ATXN10: variants seen among roughly 807,000 people sequenced by gnomAD.
ATXN10 encodes the protein ataxin 10.
ATXN10 carries 28 observed loss-of-function variants against 52.9 expected under a neutral mutation model. The observed-to-expected ratio is 0.53, with a 90% CI of 0.39 to 0.73. The LOEUF (loss-of-function observed/expected upper bound fraction) is 0.73. ATXN10 is among the 30% of genes least tolerant of loss of function. ATXN10 has a pLI of 0.00. For missense variants in ATXN10, 565 were observed against 577.0 expected, an observed-to-expected ratio of 0.98 and a Z score of 0.21; for synonymous variants, 226 against 221.5, an observed-to-expected ratio of 1.02 and a Z score of -0.18.
At chr22:45,729,666 G>T (rs1348150996) in intron 7 of ATXN10, 76 bp downstream of exon 7, 1 of 1,503,788 alleles carries the variant, frequency 6.6e-7, no homozygotes, top group Admixed American at 1.7e-5. Context: ...TCCTGTATGA[G>T]AATTCTTTTT....
In ATXN10 at chr22:45,693,038, G is replaced by GT. The variant is rs774084163; in HGVS notation, c.354dup (p.Arg119SerfsTer2). On this transcript the variant is annotated frameshift_variant, in exon 3 of 12. Transcript: ENST00000252934. LOFTEE classifies it high-confidence loss of function. Reference sequence around the variant, plus strand: ...GTGTTGCTGTTGATTTGATTCTTCTGTTTCGTGAACTGCGAGTGGAACAGG... The same window carrying GT: ...GTGTTGCTGTTGATTTGATTCTTCTGTTTTCGTGAACTGCGAGTGGAACAGG... The GT allele has an allele frequency of 3.7e-6, 6 of 1,613,952 alleles. No individual in the cohort carries two copies. Among genetic ancestry groups the GT allele is most frequent in the Non-Finnish European group, 5.1e-6 (6 of 1,180,008 alleles).
intron 10 of ATXN10, among the ~76,000 whole-genome samples, chr22:45,821,588 A>C (rs763906577): frequency 6.6e-6 from 1 of 152,148 alleles, no homozygotes; most frequent in Non-Finnish European, 1.5e-5. Context: ...GTTCAGTTAT[A>C]TGTGTTGAAA....
At chr22:45,723,439 T>C (rs879938458) in intron 6 of ATXN10, among the ~76,000 whole-genome samples, 2 of 152,020 alleles carry the variant, frequency 1.3e-5, no homozygotes, top group Admixed American at 6.6e-5. Flanking sequence ...ATGGGTTGTA[T>C]AGTGGTGAAG....
intron 9 of ATXN10, among the ~76,000 whole-genome samples, chr22:45,746,928 G>A (rs9614512): frequency 0.081 from 12,400 of 152,162 alleles, 674 homozygotes; most frequent in Admixed American, 0.14. Flanking sequence ...ATACACATAC[G>A]TAAACTGATC....
chr22:45,730,430 A>AGGTT (rs1290019457), intron 7 of ATXN10, among the ~76,000 whole-genome samples: 1 of 150,802 alleles, frequency 6.6e-6, no homozygotes, highest in Non-Finnish European at 1.5e-5. Context: ...TTGGACATTT[A>AGGTT]GGTTGTTTGT....
chr22:45,830,368 A>T (rs1928948257), intron 10 of ATXN10, among the ~76,000 whole-genome samples: 1 of 152,222 alleles, frequency 6.6e-6, no homozygotes, highest in Admixed American at 6.5e-5. Flanking sequence ...AAAATTTTAA[A>T]ATATTTTGCA....
chr22:45,803,432 A>G (rs978180598), intron 9 of ATXN10, among the ~76,000 whole-genome samples: 2 of 152,154 alleles, frequency 1.3e-5, no homozygotes, highest in Admixed American at 6.5e-5. Context: ...CCACTTCTTT[A>G]GGGAGGCCTT....
intron 5 of ATXN10, among the ~76,000 whole-genome samples, chr22:45,706,224 T>C (rs1924037212): frequency 6.6e-6 from 1 of 152,192 alleles, no homozygotes; most frequent in South Asian, 2.1e-4. Flanking sequence ...CCTTAGAATT[T>C]TTTTATTTTT....
In ATXN10 at chr22:45,740,731, C is replaced by T. The variant is rs1432595663; in HGVS notation, c.1173+193C>T. ...ACACACACACACACATATATATACA[C>T]ACACACACGTGTGTGTGTGTGTGTA... is the stretch of plus-strand genomic sequence containing the variant. On this transcript the variant is annotated intron_variant, in intron 9 of 11. Coordinates refer to ENST00000252934, the MANE Select transcript of ATXN10 (RefSeq NM_013236.4). The T allele has an allele frequency of 2.1e-4, 84 of 395,212 alleles. No individual in the cohort carries two copies. The Middle Eastern group carries it at 2.2e-3, about 10-fold the overall frequency. The allele number at this position is 395,212 out of a possible 1,614,324, so 24.5% of individuals were successfully genotyped here. A position where few individuals can be genotyped will look rare whatever the true frequency, so the allele number is the denominator to read the frequency against.
At chr22:45,672,386 G>A in intron 1 of ATXN10, 1 of 384,484 alleles carries the variant, frequency 2.6e-6, no homozygotes, top group Non-Finnish European at 3.9e-6. Flanking sequence ...TGGGGCGGGC[G>A]CCCCGCTCCC....
At chr22:45,793,878 A>G in intron 9 of ATXN10, 3 of 1,272,458 alleles carry the variant, frequency 2.4e-6, no homozygotes, top group Non-Finnish European at 3.0e-6. Flanking sequence ...ACTTTGATTG[A>G]AGCAGCAGTG....
At chr22:45,675,242 G>A (rs4823320) in intron 1 of ATXN10, 1 of 152,184 alleles carries the variant, frequency 6.6e-6, no homozygotes, top group South Asian at 2.1e-4. Flanking sequence ...CGGAGAAGGG[G>A]ATCTCAGGAT....
At chr22:45,798,461 G>A (rs144773962) in intron 9 of ATXN10, among the ~76,000 whole-genome samples, 27 of 152,142 alleles carry the variant, frequency 1.8e-4, no homozygotes, top group East Asian at 7.7e-4. Flanking sequence ...AAAAGCATTC[G>A]GAACAAAATT....
In ATXN10 at chr22:45,754,370, T is replaced by A. The variant is rs1601625770; in HGVS notation, c.1173+13832T>A. On this transcript the variant is annotated intron_variant, in intron 9 of 11. Coordinates refer to ENST00000252934, the MANE Select transcript of ATXN10 (RefSeq NM_013236.4). This position sits in a 1 kb window ranked among gnomAD's most constrained non-coding sequence, Gnocchi z 5.4. ...GATTTTACTTCCCTCATACATTTATTGTGAGGATTAAATTACTATTGATGA... is the reference window on the plus strand; with the variant it reads ...GATTTTACTTCCCTCATACATTTATAGTGAGGATTAAATTACTATTGATGA... Among the ~76,000 whole-genome samples, 1 of 152,330 alleles carries A rather than the reference T, an allele frequency of 6.6e-6. No homozygotes were observed. Among genetic ancestry groups the A allele is most frequent in the African/African-American group, 2.4e-5 (1 of 41,590 alleles).
At chr22:45,723,971 G>A (rs1468974899) in intron 6 of ATXN10, among the ~76,000 whole-genome samples, 3 of 151,334 alleles carry the variant, frequency 2.0e-5, no homozygotes, top group African/African-American at 7.3e-5. Context: ...AAAAATAAAA[G>A]GCTTCCAGCT....
Position 45,689,757 on chromosome 22 carries a change from A to G in ATXN10, c.162A>G (p.Leu54=), listed in dbSNP as rs140005836. Residue 54 remains leucine, a synonymous_variant, in exon 2 of 12, where the codon CTA becomes CTG. Transcript: ENST00000252934. ...TCTTCCAAAGAGTTCTGGATATCCT[A>G]AAGAAATCTTCTCATGCTGTTGAGC... The part of the protein sequence containing the change: ...RTIFQRVLDI[L]KKSSHAVELA... The G allele has an allele frequency of 9.2e-5, 148 of 1,614,212 alleles. No individual in the cohort carries two copies. In the African/African-American group the frequency reaches 1.5e-3, roughly 17 times the overall value.
At chr22:45,800,640 C>T (rs754240621) in intron 9 of ATXN10, among the ~76,000 whole-genome samples, 1 of 152,200 alleles carries the variant, frequency 6.6e-6, no homozygotes, top group African/African-American at 2.4e-5. Flanking sequence ...GATACAGATG[C>T]ATGTGTTCAT....
At chr22:45,748,436 A>G (rs767682655) in intron 9 of ATXN10, among the ~76,000 whole-genome samples, 24 of 152,258 alleles carry the variant, frequency 1.6e-4, no homozygotes, top group Admixed American at 8.5e-4. Flanking sequence ...TGGAGGAAGT[A>G]AAATGAAAAC....
At position 45,721,354 on chromosome 22, in the gene ATXN10, C is replaced by T. The variant is rs560709276; in HGVS notation, c.728+2861C>T. 4.6e-5 allele frequency among the ~76,000 whole-genome samples: 7 copies of T among 152,154 alleles called. No individual in the cohort carries two copies. The South Asian group carries it at 6.2e-4, about 14-fold the overall frequency. On this transcript the variant is annotated intron_variant, in intron 6 of 11. Transcript: ENST00000252934. ...AGTTAAGGACAGATGCTAGTGCTGC[C>T]GCTTACTACTTTGGATAGGTTAATG...
Sources: gnomAD v4.1 joint callset for allele counts (sites outside exome capture counted in the v4.1 genomes callset) on GRCh38, gnomAD v4.1.1 for gene constraint, Gnocchi (gnomAD v3.1) non-coding constraint, MANE v1.5 for transcripts, NCBI Gene and HGNC (gene_info 2026-07-23, HGNC 2026-07-21) for gene names.